Variants in PTPRD observed in about 807,000 individuals in gnomAD.
PTPRD encodes the protein receptor-type tyrosine-protein phosphatase delta.
A neutral mutation model predicts 214.5 loss-of-function variants in PTPRD; 34 were observed. The observed-to-expected ratio is 0.16, with a 90% CI of 0.12 to 0.21. The LOEUF (loss-of-function observed/expected upper bound fraction) is 0.21, where lower values mean the gene tolerates loss of function less well. Among genes scored for constraint, PTPRD ranks in the 10% least tolerant of loss-of-function variants. The probability of loss-of-function intolerance (pLI) is 1.00; values close to 1 mark genes in which losing one functional copy is unlikely to be tolerated. For missense variants in PTPRD, 2,545 were observed against 2,398.7 expected, an observed-to-expected ratio of 1.06 and a Z score of -1.27; for synonymous variants, 1,128 against 845.7, an observed-to-expected ratio of 1.33 and a Z score of -5.79.
chr9:8,969,192 T>C (rs578034150), intron 11 of PTPRD, among the ~76,000 whole-genome samples: 2 of 152,164 alleles, frequency 1.3e-5, no homozygotes, highest in South Asian at 4.1e-4. Context: ...CACTTTTCAC[T>C]CATGGTATTA....
intron 23 of PTPRD, 36 bp downstream of exon 23, chr9:8,504,225 T>A: frequency 6.2e-7 from 1 of 1,611,638 alleles, no homozygotes; most frequent in South Asian, 1.1e-5. Flanking sequence ...CCCGAGGAAA[T>A]AAAAAGGCAG....
At chr9:9,345,939 C>T (rs566427515) in intron 9 of PTPRD, among the ~76,000 whole-genome samples, 2 of 152,016 alleles carry the variant, frequency 1.3e-5, no homozygotes, top group African/African-American at 4.8e-5. Context: ...CAATGTACTT[C>T]TTTATTCATG....
At chr9:9,741,381 T>C (rs2098399874) in intron 6 of PTPRD, among the ~76,000 whole-genome samples, 2 of 152,120 alleles carry the variant, frequency 1.3e-5, no homozygotes, top group Admixed American at 6.5e-5. Flanking sequence ...AGGAGTAGTA[T>C]GTTTAACTTT....
At chr9:9,770,091 T>C (rs1009276289) in intron 5 of PTPRD, among the ~76,000 whole-genome samples, 2 of 152,186 alleles carry the variant, frequency 1.3e-5, no homozygotes, top group African/African-American at 4.8e-5. Context: ...GACTTTATAG[T>C]AGAATAATTT....
intron 35 of PTPRD, among the ~76,000 whole-genome samples, chr9:8,406,340 A>G (rs79852059): frequency 0.15 from 22,281 of 152,144 alleles, 1,907 homozygotes; most frequent in Non-Finnish European, 0.19. Flanking sequence ...TGCCTTAAAA[A>G]TCTCTCAAAT....
At chr9:9,789,365 A>G (rs945692013) in intron 5 of PTPRD, among the ~76,000 whole-genome samples, 4 of 152,224 alleles carry the variant, frequency 2.6e-5, no homozygotes, top group Non-Finnish European at 5.9e-5. Context: ...ATGTCACATA[A>G]GAAGTTCACA....
chr9:9,139,931 A>G (rs1439850471), intron 10 of PTPRD, among the ~76,000 whole-genome samples: 4 of 152,066 alleles, frequency 2.6e-5, no homozygotes, highest in Non-Finnish European at 4.4e-5. Flanking sequence ...GAGTCCTAGT[A>G]CCCTGGTTGT....
intron 3 of PTPRD, among the ~76,000 whole-genome samples, chr9:10,293,389 A>C (rs1018030471): frequency 6.6e-6 from 1 of 152,022 alleles, no homozygotes; most frequent in Non-Finnish European, 1.5e-5. Flanking sequence ...CATTGTTTCA[A>C]GTTATACAGA....
At chr9:9,407,858 T>A (rs1006488062) in intron 8 of PTPRD, among the ~76,000 whole-genome samples, 9 of 151,972 alleles carry the variant, frequency 5.9e-5, no homozygotes, top group Non-Finnish European at 3.0e-5. Flanking sequence ...GAACTTTGTT[T>A]CCTTTCCTCT....
In PTPRD at chr9:8,315,608, C is replaced by G. The variant is rs1052405926; in HGVS notation, c.*2266G>C. The G allele has an allele frequency of 8.7e-6, 2 of 229,730 alleles. No individual in the cohort carries two copies. The highest frequency in any genetic ancestry group is 1.7e-5 in the Non-Finnish European group (2 of 115,680). 14.2% of individuals were successfully genotyped at this position (229,730 alleles called of 1,614,324 possible). On this transcript the variant is annotated 3_prime_UTR_variant, in exon 46 of 46. Coordinates refer to ENST00000381196, the MANE Select transcript of PTPRD (RefSeq NM_002839.4). ...GTTAGAGAGTCTCATTCTGAGGTAG[C>G]CTTCTAGATACTTTTTTTTAGTATT...
At chr9:9,637,133 A>T (rs999750686) in intron 7 of PTPRD, among the ~76,000 whole-genome samples, 1 of 152,158 alleles carries the variant, frequency 6.6e-6, no homozygotes, top group Non-Finnish European at 1.5e-5. Context: ...TTTCCAACAC[A>T]TGAATTGTGG....
chr9:10,611,562 A>T (rs79643989), intron 2 of PTPRD, among the ~76,000 whole-genome samples: 2,617 of 152,278 alleles, frequency 0.017, 68 homozygotes, highest in African/African-American at 0.059. Flanking sequence ...TTCTGTAAAA[A>T]GAAATGCTAC....
intron 11 of PTPRD, among the ~76,000 whole-genome samples, chr9:8,909,748 C>T (rs918986858): frequency 6.7e-6 from 1 of 148,230 alleles, no homozygotes; most frequent in Non-Finnish European, 1.5e-5. Context: ...AGGTGGAAGA[C>T]ATAGAGATAG....
At chr9:9,149,073 T>G (rs1246889317) in intron 10 of PTPRD, among the ~76,000 whole-genome samples, 1 of 152,086 alleles carries the variant, frequency 6.6e-6, no homozygotes, top group African/African-American at 2.4e-5. Flanking sequence ...TGTCTTGGAG[T>G]AGTTAAGAGT....
At chr9:8,325,899 T>G (rs1833193721) in intron 44 of PTPRD, among the ~76,000 whole-genome samples, 1 of 152,218 alleles carries the variant, frequency 6.6e-6, no homozygotes, top group South Asian at 2.1e-4. Flanking sequence ...GGAATGCTTG[T>G]GATTTTTGCA....
Position 8,515,956 on chromosome 9 carries a change from T to A in PTPRD, c.1543+1892A>T, listed in dbSNP as rs2097774764. ...TCAGAGAGAGATGACATAAATCACCTAAGGTGACAGCTAATAAACGAAAGC... is the reference window on the plus strand; with the variant it reads ...TCAGAGAGAGATGACATAAATCACCAAAGGTGACAGCTAATAAACGAAAGC... On this transcript the variant is annotated intron_variant, in intron 21 of 45. Transcript: ENST00000381196. Among the ~76,000 whole-genome samples the A allele has an allele frequency of 2.0e-5, 3 of 152,116 alleles. No individual in the cohort carries two copies. The South Asian group carries it at 6.2e-4, about 32-fold the overall frequency.
At chr9:9,726,265 A>G (rs1189151537) in intron 7 of PTPRD, among the ~76,000 whole-genome samples, 1 of 152,184 alleles carries the variant, frequency 6.6e-6, no homozygotes, top group African/African-American at 2.4e-5. Flanking sequence ...TGACATTGGC[A>G]TGCACACATT....
chr9:8,545,498 T>C (rs1470795539), intron 14 of PTPRD, among the ~76,000 whole-genome samples: 7 of 152,202 alleles, frequency 4.6e-5, no homozygotes, highest in Non-Finnish European at 7.3e-5. Flanking sequence ...AAACCATGTA[T>C]CTTGATAAAA....
At chr9:8,876,462 A>T (rs1278979765) in intron 11 of PTPRD, among the ~76,000 whole-genome samples, 1 of 152,238 alleles carries the variant, frequency 6.6e-6, no homozygotes, top group Non-Finnish European at 1.5e-5. Context: ...AAAACTCCAC[A>T]TGCCTATAAA....
Sources: gnomAD v4.1 joint callset for allele counts (sites outside exome capture counted in the v4.1 genomes callset) on GRCh38, gnomAD v4.1.1 for gene constraint, MANE v1.5 for transcripts, NCBI Gene and HGNC (gene_info 2026-07-23, HGNC 2026-07-21) for gene names.